Variants in UVRAG observed in about 807,000 individuals in gnomAD.
The protein encoded by UVRAG is UV radiation resistance associated.
Under a neutral mutation model 78.0 loss-of-function variants are expected in UVRAG, and 19 were observed. The observed-to-expected ratio is 0.24, with a 90% CI of 0.17 to 0.36. UVRAG has a LOEUF of 0.36. Among genes scored for constraint, UVRAG ranks in the 10% least tolerant of loss-of-function variants. The pLI is 1.00. For missense variants in UVRAG, 740 were observed against 853.8 expected, an observed-to-expected ratio of 0.87 and a Z score of 1.66; for synonymous variants, 323 against 324.6, an observed-to-expected ratio of 1.00 and a Z score of 0.05.
chr11:76,003,765 A>G (rs376693833), intron 8 of UVRAG, among the ~76,000 whole-genome samples: 21 of 152,218 alleles, frequency 1.4e-4, no homozygotes, highest in Admixed American at 1.2e-3. Flanking sequence ...AGAAATATCT[A>G]TAGGCAGAGA....
intron 11 of UVRAG, among the ~76,000 whole-genome samples, chr11:76,016,391 A>G (rs551264340): frequency 7.2e-5 from 11 of 152,290 alleles, no homozygotes; most frequent in African/African-American, 2.6e-4. Flanking sequence ...TAGTACAACT[A>G]TATTGTCTAG....
At chr11:76,091,258 A>G (rs972667549) in intron 13 of UVRAG, among the ~76,000 whole-genome samples, 1 of 152,110 alleles carries the variant, frequency 6.6e-6, no homozygotes, top group Admixed American at 6.6e-5. Context: ...TATGTGAAAT[A>G]TTATTTACTT....
rs190217588 is a variant in UVRAG, at chr11:76,097,963, C to G, written c.1306-17961C>G. 2.8e-3 allele frequency among the ~76,000 whole-genome samples: 430 copies of G among 152,166 alleles called. 1 individual carries two copies. Among genetic ancestry groups the G allele is most frequent in the Non-Finnish European group, 5.1e-3 (350 of 67,972 alleles). On this transcript the variant is annotated intron_variant, in intron 13 of 14. Transcript: ENST00000356136. Reference sequence around the variant, plus strand: ...TTCTATCCATTTTCTAACCCTATTACTTTAATCTACTTTCATCCACAGAAA... The same window carrying G: ...TTCTATCCATTTTCTAACCCTATTAGTTTAATCTACTTTCATCCACAGAAA...
chr11:75,976,783 G>A (rs570252995), intron 7 of UVRAG, among the ~76,000 whole-genome samples: 16 of 151,882 alleles, frequency 1.1e-4, no homozygotes, highest in African/African-American at 3.6e-4. Flanking sequence ...TCTTGCTAGC[G>A]GTCTGTCAAT....
chr11:75,877,604 G>A (rs1309019357), intron 3 of UVRAG, among the ~76,000 whole-genome samples: 1 of 143,952 alleles, frequency 6.9e-6, no homozygotes, highest in Non-Finnish European at 1.5e-5. Flanking sequence ...TGGCCGGGCG[G>A]GGGGCTGACC....
chr11:75,899,960 C>T lies in UVRAG; in HGVS notation c.507+11057C>T, dbSNP rs573138764. Among the ~76,000 whole-genome samples the T allele has an allele frequency of 1.2e-4, 18 of 152,254 alleles. No homozygotes were observed. The South Asian group carries it at 3.3e-3, about 28-fold the overall frequency. On this transcript the variant is annotated intron_variant, in intron 5 of 14. Coordinates refer to ENST00000356136, the MANE Select transcript of UVRAG (RefSeq NM_003369.4). ...ACAGGTGTTTGGAAAATCATCTTAT[C>T]CTGTAATTCATATTTATAAACCCTG... is the stretch of plus-strand genomic sequence containing the variant.
intron 1 of UVRAG, among the ~76,000 whole-genome samples, chr11:75,848,166 C>T (rs965916904): frequency 3.3e-5 from 5 of 150,964 alleles, no homozygotes; most frequent in African/African-American, 4.9e-5. Context: ...CACTGTACTC[C>T]AGCCTGGGGG....
intron 6 of UVRAG, among the ~76,000 whole-genome samples, chr11:75,945,759 G>C (rs1397522813): frequency 1.3e-5 from 2 of 151,954 alleles, no homozygotes; most frequent in Admixed American, 1.3e-4. Flanking sequence ...TTGCTAAGCT[G>C]CTTACAGTTC....
At chr11:75,961,402 A>G in intron 6 of UVRAG, 42 bp from the exon 7 acceptor site, 5 of 1,490,044 alleles carry the variant, frequency 3.4e-6, no homozygotes, top group African/African-American at 1.4e-5. Flanking sequence ...TGTTGAGTTT[A>G]CTGTTAACTC....
chr11:76,060,705 C>T (rs1476133467), intron 12 of UVRAG, among the ~76,000 whole-genome samples: 3 of 152,308 alleles, frequency 2.0e-5, no homozygotes, highest in South Asian at 2.1e-4. Flanking sequence ...GCTTAGCACC[C>T]GGGCCAGTGG....
chr11:75,828,763 A>G lies in UVRAG; in HGVS notation c.117+13239A>G, dbSNP rs1188368206. 1.2e-4 allele frequency among the ~76,000 whole-genome samples: 14 copies of G among 112,140 alleles called. No individual in the cohort carries two copies. In the East Asian group the frequency reaches 2.2e-3, roughly 17 times the overall value. 73.6% of individuals were successfully genotyped at this position (112,140 alleles called of 152,430 possible). A position where few individuals can be genotyped will look rare whatever the true frequency, so the allele number is the denominator to read the frequency against. On this transcript the variant is annotated intron_variant, in intron 1 of 14. Transcript: ENST00000356136. The stretch of plus-strand genomic sequence containing the variant: ...TATATATATACACACACATATATAT[A>G]TATATATATATACACACATATATAT...
At chr11:75,904,875 ACT>A (rs1947582691) in intron 5 of UVRAG, among the ~76,000 whole-genome samples, 1 of 152,088 alleles carries the variant, frequency 6.6e-6, no homozygotes, top group Non-Finnish European at 1.5e-5. Context: ...ATTTTTTATT[ACT>A]GTTTTTATTA....
At chr11:75,999,838 C>T (rs1411278258) in intron 8 of UVRAG, among the ~76,000 whole-genome samples, 2 of 152,050 alleles carry the variant, frequency 1.3e-5, no homozygotes, top group African/African-American at 2.4e-5. Flanking sequence ...TTTCAGATTT[C>T]AGATTTTAGG....
Position 76,123,398 on chromosome 11 carries a change from TG to T in UVRAG, c.1397+7385del, listed in dbSNP as rs542883354. Among the ~76,000 whole-genome samples, 8 of 152,328 alleles carry T rather than the reference TG, an allele frequency of 5.3e-5. No homozygotes were observed. In the East Asian group the frequency reaches 1.5e-3, roughly 29 times the overall value. On this transcript the variant is annotated intron_variant, in intron 14 of 14. Transcript: ENST00000356136. The stretch of plus-strand genomic sequence containing the variant: ...AAAAATGATCACGTTTCAACTTCAT[TG>T]GTTAAGAAACAGGAACACTGAAGAA...
chr11:76,131,781 G>A (rs1290387916), intron 14 of UVRAG, among the ~76,000 whole-genome samples: 3 of 152,142 alleles, frequency 2.0e-5, no homozygotes, highest in Non-Finnish European at 4.4e-5. Flanking sequence ...CCTGTGGCCT[G>A]GAGAATGCAT....
intron 2 of UVRAG, among the ~76,000 whole-genome samples, chr11:75,860,905 C>A (rs1176529021): frequency 6.6e-6 from 1 of 152,014 alleles, no homozygotes; most frequent in African/African-American, 2.4e-5. Flanking sequence ...CCTGCTTCAG[C>A]CTCCCAAGTA....
At chr11:75,897,775 C>T (rs957031336) in intron 5 of UVRAG, among the ~76,000 whole-genome samples, 12 of 151,434 alleles carry the variant, frequency 7.9e-5, no homozygotes, top group African/African-American at 2.7e-4. Context: ...CTGCCCACCT[C>T]GGCTTCCCAA....
At chr11:76,067,092 GA>G (rs1296683914) in intron 13 of UVRAG, among the ~76,000 whole-genome samples, 1 of 152,158 alleles carries the variant, frequency 6.6e-6, no homozygotes, top group Non-Finnish European at 1.5e-5. Context: ...TAATGGTGGA[GA>G]TTTTTTTAAT....
intron 1 of UVRAG, among the ~76,000 whole-genome samples, chr11:75,827,794 T>C (rs1945548962): frequency 6.6e-6 from 1 of 152,232 alleles, no homozygotes; most frequent in Admixed American, 6.5e-5. Flanking sequence ...AACTATTTCC[T>C]TCCTTAATTC....
Sources: allele counts gnomAD v4.1 joint callset (sites outside exome capture counted in the v4.1 genomes callset), GRCh38; gene constraint gnomAD v4.1.1; transcripts MANE v1.5; gene names NCBI Gene and HGNC (gene_info 2026-07-23, HGNC 2026-07-21).